The following PPP2CB variants were observed in gnomAD, a reference collection of about 807,000 sequenced individuals.
PPP2CB encodes protein phosphatase 2 catalytic subunit beta.
Under a neutral mutation model 39.1 loss-of-function variants are expected in PPP2CB, and 18 were observed. The ratio of observed to expected loss-of-function variants is 0.46; its 90% CI spans 0.32 to 0.68. PPP2CB has a LOEUF of 0.68. Ranked by LOEUF, PPP2CB falls within the 30% of genes least tolerant of loss-of-function variation. The pLI, the probability that PPP2CB is intolerant of heterozygous loss-of-function variation, is 0.04. For missense variants in PPP2CB, 226 were observed against 396.9 expected (o/e 0.57, Z 3.66); for synonymous variants, 129 against 133.8 (o/e 0.96, Z 0.25).
chr8:30,799,495 C>T (rs1427995965), intron 2 of PPP2CB, 51 bp downstream of exon 2: 1 of 1,472,800 alleles, frequency 6.8e-7, no homozygotes, highest in Non-Finnish European at 9.4e-7. Context: ...TCATTCTTGC[C>T]TTTTGCCTGG....
intron 1 of PPP2CB, among the ~76,000 whole-genome samples, chr8:30,811,599 G>T (rs145045337): frequency 0.023 from 3,447 of 148,742 alleles, 127 homozygotes; most frequent in African/African-American, 0.08. Flanking sequence ...GGGCTCAAGC[G>T]ATCCTCCCGC....
At chr8:30,791,090 G>A in intron 6 of PPP2CB, 107 bp downstream of exon 6, 1 of 649,940 alleles carries the variant, frequency 1.5e-6, no homozygotes, top group Non-Finnish European at 2.5e-6. Context: ...GCTGGAGAGG[G>A]GCTTTGCTAT....
At chr8:30,793,599 G>T (rs2128760808) in intron 5 of PPP2CB, 1 of 204,254 alleles carries the variant, frequency 4.9e-6, no homozygotes, top group Middle Eastern at 1.8e-3. Flanking sequence ...AAGAAAGTGT[G>T]AGGGGTGAAG....
At chr8:30,787,011 A>G (rs2128759867) in intron 6 of PPP2CB, among the ~76,000 whole-genome samples, 1 of 152,144 alleles carries the variant, frequency 6.6e-6, no homozygotes, top group South Asian at 2.1e-4. Flanking sequence ...GATTTTTCCA[A>G]TTATTTTTGT....
chr8:30,798,705 C>G (rs1806565583), intron 2 of PPP2CB, among the ~76,000 whole-genome samples: 1 of 152,196 alleles, frequency 6.6e-6, no homozygotes, highest in Non-Finnish European at 1.5e-5. Context: ...ACTAACCTCA[C>G]TAAGGACATA....
At chr8:30,805,272 A>T (rs1483655769) in intron 1 of PPP2CB, among the ~76,000 whole-genome samples, 1 of 152,190 alleles carries the variant, frequency 6.6e-6, no homozygotes, top group Admixed American at 6.5e-5. Context: ...ATAAGATGGG[A>T]TTTTGAGCTG....
chr8:30,787,935 T>C (rs563376023), intron 6 of PPP2CB, among the ~76,000 whole-genome samples: 1 of 152,334 alleles, frequency 6.6e-6, no homozygotes, highest in South Asian at 2.1e-4. Context: ...AGTTTCTTTT[T>C]AGGAATTAGT....
chr8:30,812,368 G>C lies in PPP2CB; in HGVS notation c.54C>G (p.Asn18Lys). Residue 18 changes from asparagine (N) to lysine (K), a missense_variant, in exon 1 of 7, where the codon AAC becomes AAG. Physicochemically the swap from Asn to Lys is moderately conservative, Grantham distance 94 (BLOSUM62 0). Transcript: ENST00000221138. ...GGTTCTCGTTCAGCTGCTTACACTCGTTCAGCTGCTCGACCCACTGGTCCA... is the reference window on the plus strand; with the variant it reads ...GGTTCTCGTTCAGCTGCTTACACTCCTTCAGCTGCTCGACCCACTGGTCCA... ...KELDQWVEQL[N>K]ECKQLNENQV... 6.4e-7 allele frequency: 1 copy of C among 1,563,342 alleles called. No individual in the cohort carries two copies.
At position 30,812,647 on chromosome 8, in the gene PPP2CB, G is replaced by A. The variant is rs1131305; in HGVS notation, c.-226C>T. On this transcript the variant is annotated 5_prime_UTR_variant, in exon 1 of 7. Transcript: ENST00000221138. ...CGCAGCCTGGAGGAGACCCCCGCCC[G>A]CCCTTCCCCGCCCGGCCGCGCGCCG... 3 of 368,324 alleles carry A rather than the reference G, an allele frequency of 8.1e-6. No homozygotes were observed. The highest frequency in any genetic ancestry group is 8.3e-4 in the Middle Eastern group (1 of 1,200). 22.8% of individuals were successfully genotyped at this position (368,324 alleles called of 1,614,324 possible).
chr8:30,794,534 C>G, intron 3 of PPP2CB: 1 of 401,244 alleles, frequency 2.5e-6, no homozygotes, highest in South Asian at 3.5e-5. Flanking sequence ...TATCCCCATC[C>G]TTGGTACCTA....
At chr8:30,807,269 T>A (rs1180709360) in intron 1 of PPP2CB, among the ~76,000 whole-genome samples, 1 of 152,228 alleles carries the variant, frequency 6.6e-6, no homozygotes, top group Non-Finnish European at 1.5e-5. Flanking sequence ...TCAAGACCAC[T>A]ATTTTTATTT....
intron 2 of PPP2CB, 63 bp from the exon 3 acceptor site, chr8:30,797,817 A>G (rs1806551838): frequency 6.6e-7 from 1 of 1,520,528 alleles, no homozygotes; most frequent in Non-Finnish European, 8.9e-7. Flanking sequence ...TGTGAAGTAC[A>G]CCAGTCTCTG....
At chr8:30,795,864 A>G (rs1300142160) in intron 3 of PPP2CB, among the ~76,000 whole-genome samples, 1 of 152,228 alleles carries the variant, frequency 6.6e-6, no homozygotes, top group African/African-American at 2.4e-5. Flanking sequence ...CATAGTTATA[A>G]TTATGCCTTA....
chr8:30,794,317 T>G (rs1358492966), intron 3 of PPP2CB, 36 bp from the exon 4 acceptor site: 31 of 1,519,976 alleles, frequency 2.0e-5, no homozygotes, highest in Non-Finnish European at 2.8e-5. Flanking sequence ...TGTATTTGTT[T>G]TACTAACTCC....
intron 6 of PPP2CB, 195 bp from the exon 7 acceptor site, chr8:30,786,502 G>T: frequency 1.5e-5 from 6 of 388,040 alleles, no homozygotes; most frequent in Admixed American, 4.6e-5. Flanking sequence ...GGGCTATGGT[G>T]AAAATTTAAG....
chr8:30,794,309 T>C, intron 3 of PPP2CB, 28 bp from the exon 4 acceptor site: 2 of 1,557,234 alleles, frequency 1.3e-6, no homozygotes, highest in Admixed American at 1.7e-5. Context: ...AAAGAGAATG[T>C]ATTTGTTTTA....
intron 3 of PPP2CB, among the ~76,000 whole-genome samples, chr8:30,796,329 C>A (rs1012134591): frequency 6.6e-6 from 1 of 152,082 alleles, no homozygotes; most frequent in Admixed American, 6.6e-5. Flanking sequence ...TTCTTGACAA[C>A]TCTGGGCTTT....
chr8:30,794,361 G>A, intron 3 of PPP2CB, 80 bp from the exon 4 acceptor site: 2 of 1,235,038 alleles, frequency 1.6e-6, no homozygotes, highest in Non-Finnish European at 2.3e-6. Context: ...ATGGTTAAAA[G>A]TGTCAGTCCA....
chr8:30,811,291 C>A (rs2128763260), intron 1 of PPP2CB, among the ~76,000 whole-genome samples: 1 of 152,210 alleles, frequency 6.6e-6, no homozygotes, highest in South Asian at 2.1e-4. Context: ...TGCATGAAAA[C>A]ACACATCCCA....
Sources: gnomAD v4.1 joint callset for allele counts (sites outside exome capture counted in the v4.1 genomes callset) on GRCh38, gnomAD v4.1.1 for gene constraint, MANE v1.5 for transcripts, NCBI Gene and HGNC (gene_info 2026-07-23, HGNC 2026-07-21) for gene names.